Variants in FBXL13 observed in about 807,000 individuals in gnomAD.
FBXL13 encodes F-box and leucine rich repeat protein 13.
FBXL13 carries 67 observed loss-of-function variants against 83.6 expected under a neutral mutation model. That is an observed-to-expected ratio of 0.80 (90% CI 0.66 to 0.98). The LOEUF is 0.98. Among genes scored for constraint, FBXL13 ranks in the 50% least tolerant of loss-of-function variants. The pLI is 0.00. For synonymous variants in FBXL13, 272 were observed against 299.5 expected (o/e 0.91, Z 0.95); for missense variants, 822 against 866.5 (o/e 0.95, Z 0.64).
intron 17 of FBXL13, among the ~76,000 whole-genome samples, chr7:102,852,183 A>G (rs2129451172): frequency 6.6e-6 from 1 of 152,276 alleles, no homozygotes; most frequent in African/African-American, 2.4e-5. Flanking sequence ...GTAGACAGGG[A>G]AAAATGGGAA....
chr7:102,859,643 T>C (rs1376045537), intron 16 of FBXL13, among the ~76,000 whole-genome samples: 1 of 151,258 alleles, frequency 6.6e-6, no homozygotes, highest in African/African-American at 2.4e-5. Flanking sequence ...AGGCAAGAGG[T>C]AACAGCAAGA....
chr7:102,939,630 G>A (rs374421875), intron 8 of FBXL13: 3 of 1,539,124 alleles, frequency 1.9e-6, no homozygotes, highest in South Asian at 1.3e-5. Flanking sequence ...CAAGTGTTCT[G>A]TGATTTTTTT....
intron 6 of FBXL13, among the ~76,000 whole-genome samples, chr7:102,981,044 A>G (rs1828147392): frequency 6.6e-6 from 1 of 152,168 alleles, no homozygotes; most frequent in Admixed American, 6.5e-5. Flanking sequence ...AAGCCTTGGA[A>G]AGGTATTATG....
chr7:102,980,148 A>G (rs1216272405), intron 6 of FBXL13, among the ~76,000 whole-genome samples: 1 of 152,244 alleles, frequency 6.6e-6, no homozygotes, highest in Non-Finnish European at 1.5e-5. Context: ...GCAAGGAGTC[A>G]CAAGTAGCCA....
chr7:102,883,502 G>A, intron 13 of FBXL13, 35 bp from the exon 15 acceptor site: 1 of 1,597,334 alleles, frequency 6.3e-7, no homozygotes, highest in Non-Finnish European at 8.6e-7. Flanking sequence ...GACAAGTATT[G>A]TATTTAGAAT....
chr7:102,846,133 C>CCA (rs1205247034), intron 17 of FBXL13, among the ~76,000 whole-genome samples: 1 of 152,172 alleles, frequency 6.6e-6, no homozygotes, highest in Non-Finnish European at 1.5e-5. Flanking sequence ...CTGACAACCA[C>CCA]CACATAGTAT....
chr7:102,861,231 A>T (rs1042529205), intron 16 of FBXL13, among the ~76,000 whole-genome samples: 3 of 151,976 alleles, frequency 2.0e-5, no homozygotes, highest in African/African-American at 7.3e-5. Flanking sequence ...CAACATTCAA[A>T]TTTTTTTGTA....
intron 6 of FBXL13, among the ~76,000 whole-genome samples, chr7:102,992,259 G>A (rs1041260111): frequency 6.6e-6 from 1 of 152,146 alleles, no homozygotes; most frequent in Non-Finnish European, 1.5e-5. Flanking sequence ...CTCCTAAGTG[G>A]ATACTCAAGG....
rs79170722 is a variant in FBXL13 at position 102,822,102 on chromosome 7, G to A, written c.1956C>T (p.Asp652=). Residue 652 remains aspartate, a synonymous_variant, in exon 19 of 20, where the codon GAC becomes GAT. Transcript: ENST00000313221. ...GGAGTTGTTTGCAGCCTATCTGAAG[G>A]TCCTCAAGGATTTGGTCAGTAAGCA... 6.7e-3 allele frequency: 10,803 copies of A among 1,614,192 alleles called. 560 individuals are homozygous for A. In the Admixed American group the frequency reaches 0.1, roughly 16 times the overall value.
intron 10 of FBXL13, among the ~76,000 whole-genome samples, chr7:102,923,697 G>A (rs970028626): frequency 6.6e-6 from 1 of 151,976 alleles, no homozygotes; most frequent in African/African-American, 2.4e-5. Context: ...GGTGGCGGGC[G>A]CCTGTAATCC....
intron 11 of FBXL13, among the ~76,000 whole-genome samples, chr7:102,893,043 C>T (rs935984470): frequency 1.3e-5 from 2 of 152,170 alleles, no homozygotes; most frequent in Non-Finnish European, 2.9e-5. Flanking sequence ...GTTTCCAATT[C>T]ATTTTGATAC....
intron 10 of FBXL13, among the ~76,000 whole-genome samples, chr7:102,914,341 C>T (rs1815394819): frequency 6.6e-6 from 1 of 152,112 alleles, no homozygotes; most frequent in African/African-American, 2.4e-5. Flanking sequence ...CCAAAGTGCT[C>T]GGAACAGGCA....
chr7:102,905,177 T>C (rs1813570594), intron 11 of FBXL13, among the ~76,000 whole-genome samples: 1 of 152,212 alleles, frequency 6.6e-6, no homozygotes, highest in East Asian at 1.9e-4. Flanking sequence ...TGCTTTTCTG[T>C]CTGGAAGATC....
intron 16 of FBXL13, chr7:102,874,416 C>A (rs1808951990): frequency 1.0e-6 from 1 of 964,968 alleles, no homozygotes; most frequent in African/African-American, 1.8e-5. Context: ...CAACAGAAGA[C>A]TTATTTTTTT....
chr7:102,949,391 G>A (rs1172831838), intron 8 of FBXL13, among the ~76,000 whole-genome samples: 1 of 152,120 alleles, frequency 6.6e-6, no homozygotes, highest in Non-Finnish European at 1.5e-5. Context: ...CCTAGTACAT[G>A]TTAGTTATTT....
chr7:102,861,982 C>CAAA (rs59375342), intron 16 of FBXL13, among the ~76,000 whole-genome samples: 4 of 120,052 alleles, frequency 3.3e-5, no homozygotes, highest in African/African-American at 9.0e-5. Context: ...ACTGTGTCTC[C>CAAA]AAAAAAAAAA....
intron 16 of FBXL13, among the ~76,000 whole-genome samples, chr7:102,860,984 T>A (rs562658445): frequency 6.9e-6 from 1 of 145,902 alleles, no homozygotes; most frequent in Non-Finnish European, 1.5e-5. Context: ...TATAGTTATA[T>A]ATATATACAC....
intron 2 of FBXL13, among the ~76,000 whole-genome samples, chr7:103,038,066 T>C (rs529734783): frequency 6.6e-6 from 1 of 152,146 alleles, no homozygotes; most frequent in Non-Finnish European, 1.5e-5. Flanking sequence ...CATGACAGAC[T>C]GTACCTGGGA....
At chr7:102,883,222 C>T in intron 14 of FBXL13, 83 bp downstream of exon 15, 1 of 1,349,072 alleles carries the variant, frequency 7.4e-7, no homozygotes, top group Non-Finnish European at 1.0e-6. Flanking sequence ...GTTTACCCCA[C>T]AAACCATAAG....
Sources: allele counts gnomAD v4.1 joint callset (sites outside exome capture counted in the v4.1 genomes callset), GRCh38; gene constraint gnomAD v4.1.1; transcripts MANE v1.5; gene names NCBI Gene and HGNC (gene_info 2026-07-23, HGNC 2026-07-21).